The following AGBL4 variants were observed in gnomAD, a reference collection of about 807,000 sequenced individuals.
AGBL4 encodes AGBL carboxypeptidase 4, also known as cytosolic carboxypeptidase 6.
A neutral mutation model predicts 66.4 loss-of-function variants in AGBL4; 58 were observed. That is an observed-to-expected ratio of 0.87 (90% CI 0.71 to 1.09). The LOEUF is 1.09. Ranked by LOEUF, AGBL4 falls within the 50% of genes least tolerant of loss-of-function variation. The pLI is 0.00. For synonymous variants in AGBL4, 234 were observed against 222.9 expected (o/e 1.05, Z -0.44); for missense variants, 579 against 631.0 (o/e 0.92, Z 0.88).
intron 1 of AGBL4, among the ~76,000 whole-genome samples, chr1:50,023,431 C>T (rs1310044292): frequency 6.6e-6 from 1 of 152,162 alleles, no homozygotes; most frequent in Non-Finnish European, 1.5e-5. Context: ...TTCCATGACA[C>T]AGCCTAGCCC....
chr1:49,845,102 T>C, intron 2 of AGBL4: 1 of 1,462,054 alleles, frequency 6.8e-7, no homozygotes, highest in Non-Finnish European at 9.5e-7. Flanking sequence ...AGAAAGGCCT[T>C]TAGTCACAGC....
chr1:48,774,618 T>C (rs1220445992), intron 6 of AGBL4, among the ~76,000 whole-genome samples: 1 of 152,222 alleles, frequency 6.6e-6, no homozygotes, highest in Non-Finnish European at 1.5e-5. Context: ...ACCATACAGA[T>C]TTATCAACAT....
chr1:49,684,925 G>A (rs1451899133), intron 3 of AGBL4, among the ~76,000 whole-genome samples: 1 of 151,958 alleles, frequency 6.6e-6, no homozygotes, highest in Non-Finnish European at 1.5e-5. Context: ...TTTATTTTAG[G>A]TTCTGGGGGT....
intron 6 of AGBL4, among the ~76,000 whole-genome samples, chr1:48,723,586 C>T (rs530798259): frequency 9.2e-5 from 14 of 152,272 alleles, no homozygotes; most frequent in African/African-American, 3.1e-4. Context: ...GAAAACTAAA[C>T]ACAGAAAATG....
At chr1:49,576,560 A>T (rs1644440221) in intron 3 of AGBL4, among the ~76,000 whole-genome samples, 2 of 152,214 alleles carry the variant, frequency 1.3e-5, no homozygotes, top group Admixed American at 6.5e-5. Flanking sequence ...TGGGTCATCA[A>T]GTCACCATGC....
chr1:50,001,157 GTA>G (rs149505436), intron 1 of AGBL4, among the ~76,000 whole-genome samples: 43 of 148,130 alleles, frequency 2.9e-4, no homozygotes, highest in Admixed American at 4.0e-4. Flanking sequence ...GACCACATGT[GTA>G]TATATATATA....
intron 2 of AGBL4, among the ~76,000 whole-genome samples, chr1:49,709,553 G>A (rs911240082): frequency 1.3e-5 from 2 of 152,110 alleles, no homozygotes; most frequent in African/African-American, 4.8e-5. Flanking sequence ...GGCAACAAAA[G>A]CAATGGCAAA....
At chr1:49,142,670 T>C (rs1646142088) in intron 4 of AGBL4, among the ~76,000 whole-genome samples, 1 of 152,158 alleles carries the variant, frequency 6.6e-6, no homozygotes, top group Non-Finnish European at 1.5e-5. Context: ...TTAAATAATA[T>C]CCCTGGACAG....
chr1:48,905,967 T>TC (rs1352270220), intron 5 of AGBL4, among the ~76,000 whole-genome samples: 5 of 151,962 alleles, frequency 3.3e-5, no homozygotes, highest in African/African-American at 9.7e-5. Context: ...AAAAATTCCT[T>TC]CCCCCCATGG....
chr1:49,431,030 G>A (rs1645774766), intron 3 of AGBL4, among the ~76,000 whole-genome samples: 1 of 151,956 alleles, frequency 6.6e-6, no homozygotes, highest in African/African-American at 2.4e-5. Flanking sequence ...TTATTTATCC[G>A]TTGTATTGCT....
intron 6 of AGBL4, chr1:48,758,987 C>G: frequency 1.2e-6 from 2 of 1,613,762 alleles, no homozygotes; most frequent in Non-Finnish European, 8.5e-7. Flanking sequence ...GCCCCGTACT[C>G]CTTGAGCTTC....
chr1:48,712,944 C>T (rs149415633), intron 6 of AGBL4, among the ~76,000 whole-genome samples: 11 of 152,194 alleles, frequency 7.2e-5, no homozygotes, highest in Non-Finnish European at 1.5e-4. Context: ...GTCAGTGCTG[C>T]CCATGTACCA....
chr1:49,535,405 T>C (rs1651499486), intron 3 of AGBL4, among the ~76,000 whole-genome samples: 1 of 148,438 alleles, frequency 6.7e-6, no homozygotes, highest in African/African-American at 2.4e-5. Flanking sequence ...AAAAATAAAA[T>C]GTAAAGAAAA....
chr1:49,745,510 G>A (rs1461014652), intron 2 of AGBL4, among the ~76,000 whole-genome samples: 1 of 151,892 alleles, frequency 6.6e-6, no homozygotes, highest in Non-Finnish European at 1.5e-5. Context: ...AATTATCCAA[G>A]GTTGGAGGCA....
chr1:48,647,051 C>G (rs922225153), intron 8 of AGBL4, among the ~76,000 whole-genome samples: 1 of 152,196 alleles, frequency 6.6e-6, no homozygotes, highest in Non-Finnish European at 1.5e-5. Context: ...TGACACCCAG[C>G]AGGACCTCAA....
chr1:48,634,658 A>C (rs1032609382), intron 8 of AGBL4, 54 bp from the exon 9 acceptor site: 19 of 1,315,450 alleles, frequency 1.4e-5, no homozygotes, highest in Non-Finnish European at 2.0e-5. Flanking sequence ...TGAGCTTCTC[A>C]CCTGTCAAAA....
At chr1:48,776,798 C>A in intron 6 of AGBL4, 3 of 1,524,136 alleles carry the variant, frequency 2.0e-6, no homozygotes, top group Non-Finnish European at 2.6e-6. Flanking sequence ...GCGTAGCAGA[C>A]GTTGTCCTCC....
At chr1:49,405,968 T>C (rs1440655485) in intron 3 of AGBL4, among the ~76,000 whole-genome samples, 2 of 152,198 alleles carry the variant, frequency 1.3e-5, no homozygotes, top group East Asian at 3.8e-4. Flanking sequence ...TATTGATATG[T>C]TAAGCAAAGC....
At chr1:49,466,019 C>T (rs1164523465) in intron 3 of AGBL4, among the ~76,000 whole-genome samples, 2 of 151,828 alleles carry the variant, frequency 1.3e-5, no homozygotes, top group Non-Finnish European at 2.9e-5. Context: ...CGTGGCAAGG[C>T]CCATGGTAGA....
Sources: allele counts gnomAD v4.1 joint callset (sites outside exome capture counted in the v4.1 genomes callset), GRCh38; gene constraint gnomAD v4.1.1; transcripts MANE v1.5; gene names NCBI Gene and HGNC (gene_info 2026-07-23, HGNC 2026-07-21).